UNC5D: variants seen among roughly 807,000 people sequenced by gnomAD.
The protein encoded by UNC5D is unc-5 netrin receptor D.
A neutral mutation model predicts 105.4 loss-of-function variants in UNC5D; 39 were observed. That is an observed-to-expected ratio of 0.37 (90% CI 0.29 to 0.48). The LOEUF (loss-of-function observed/expected upper bound fraction) is 0.48. Ranked by LOEUF, UNC5D falls within the 20% of genes least tolerant of loss-of-function variation. The pLI is 0.98. For missense variants in UNC5D, 991 were observed against 1,202.4 expected (o/e 0.82, Z 2.60); for synonymous variants, 452 against 450.4 (o/e 1.00, Z -0.04).
intron 11 of UNC5D, among the ~76,000 whole-genome samples, chr8:35,743,558 C>T (rs1188087514): frequency 6.6e-6 from 1 of 151,604 alleles, no homozygotes; most frequent in Non-Finnish European, 1.5e-5. Context: ...GGATTACAGA[C>T]ATGAGCCACC....
intron 1 of UNC5D, among the ~76,000 whole-genome samples, chr8:35,311,836 T>C (rs1410720254): frequency 1.3e-5 from 2 of 152,176 alleles, no homozygotes; most frequent in African/African-American, 4.8e-5. Flanking sequence ...AACCTTGTAT[T>C]AGGACCTCCA....
At position 35,665,038 on chromosome 8, in the gene UNC5D, T is replaced by C. The variant is rs919619402; in HGVS notation, c.571-18509T>C. Among the ~76,000 whole-genome samples, 7 of 152,186 alleles carry C rather than the reference T, an allele frequency of 4.6e-5. No homozygotes were observed. The East Asian group carries it at 1.2e-3, about 25-fold the overall frequency. On this transcript the variant is annotated intron_variant, in intron 4 of 16. Coordinates refer to ENST00000404895, the MANE Select transcript of UNC5D (RefSeq NM_080872.4). ...TTATAGAGACAGGGTCTTGTTTTGT[T>C]GCCCCAGCTGGTCTTAAAACTCCAG... is the stretch of plus-strand genomic sequence containing the variant.
At chr8:35,626,285 CG>C (rs1253103023) in intron 4 of UNC5D, among the ~76,000 whole-genome samples, 1 of 151,452 alleles carries the variant, frequency 6.6e-6, no homozygotes, top group Non-Finnish European at 1.5e-5. Context: ...ACGTACTTTA[CG>C]AGTGCTAAAA....
In UNC5D at chr8:35,726,214, G is replaced by A. The variant is rs774777660; in HGVS notation, c.1366G>A (p.Gly456Arg). ...TCTGACAGTGAGCCGGACATACAGC[G>A]GACCCATCTGTCTGCAGGACCCTCT... ...PDLTVSRTYS[G>R]PICLQDPLDK... The change falls in exon 10 of 17, where the codon GGA (glycine) becomes AGA (arginine). Residue 456 changes from glycine (G) to arginine (R), a missense_variant. Gly to Arg is a moderately radical substitution (Grantham distance 125). Around this residue, in one of 3 missense-constraint regions of UNC5D, gnomAD observed 944 missense variants for 1,131.6 expected, o/e 0.83. Transcript: ENST00000404895. 4.2e-5 allele frequency: 68 copies of A among 1,614,080 alleles called. No homozygotes were observed. The highest frequency in any genetic ancestry group is 1.7e-4 in the Middle Eastern group (1 of 6,056).
intron 4 of UNC5D, among the ~76,000 whole-genome samples, chr8:35,608,036 C>G (rs1820427441): frequency 6.6e-6 from 1 of 152,114 alleles, no homozygotes; most frequent in African/African-American, 2.4e-5. Flanking sequence ...TGGCCTCATA[C>G]TTTATATTCT....
At chr8:35,342,525 T>G (rs1811524032) in intron 1 of UNC5D, among the ~76,000 whole-genome samples, 1 of 152,106 alleles carries the variant, frequency 6.6e-6, no homozygotes, top group African/African-American at 2.4e-5. Flanking sequence ...TCTTAGAAGT[T>G]GCTTGTACAT....
At chr8:35,498,068 TCAAAA>T (rs1346022531) in intron 1 of UNC5D, among the ~76,000 whole-genome samples, 371 of 34,188 alleles carry the variant, frequency 0.011, 11 homozygotes, top group Middle Eastern at 0.023. Flanking sequence ...AAACTCCATC[TCAAAA>T]CAAAACAAAA....
intron 6 of UNC5D, among the ~76,000 whole-genome samples, chr8:35,685,627 G>A (rs1825956548): frequency 6.6e-6 from 1 of 152,140 alleles, no homozygotes; most frequent in African/African-American, 2.4e-5. Flanking sequence ...TGCTTACTAT[G>A]TGCCAGGTAC....
chr8:35,607,572 A>G (rs1361958660), intron 4 of UNC5D, among the ~76,000 whole-genome samples: 1 of 152,186 alleles, frequency 6.6e-6, no homozygotes, highest in Admixed American at 6.5e-5. Context: ...CCATGTGTCA[A>G]GGCAGAGACC....
At chr8:35,397,849 T>C (rs1452152044) in intron 1 of UNC5D, among the ~76,000 whole-genome samples, 1 of 152,206 alleles carries the variant, frequency 6.6e-6, no homozygotes, top group Non-Finnish European at 1.5e-5. Flanking sequence ...AAAAATTGGA[T>C]GTTACTCCTT....
At chr8:35,687,021 T>C (rs1440479928) in intron 7 of UNC5D, among the ~76,000 whole-genome samples, 1 of 152,228 alleles carries the variant, frequency 6.6e-6, no homozygotes, top group African/African-American at 2.4e-5. Context: ...TTTTTAATTT[T>C]GGTGAAATTC....
chr8:35,453,628 C>A (rs1212455911), intron 1 of UNC5D, among the ~76,000 whole-genome samples: 11 of 152,170 alleles, frequency 7.2e-5, no homozygotes. Context: ...AGTCCTCTGG[C>A]ATTTTCTCAG....
chr8:35,533,165 C>T (rs1164243291), intron 1 of UNC5D, among the ~76,000 whole-genome samples: 1 of 152,082 alleles, frequency 6.6e-6, no homozygotes, highest in Admixed American at 6.6e-5. Flanking sequence ...GTTTTTTCCC[C>T]ATCTTTGTGG....
chr8:35,330,016 T>C (rs1340085317), intron 1 of UNC5D, among the ~76,000 whole-genome samples: 1 of 152,176 alleles, frequency 6.6e-6, no homozygotes, highest in Admixed American at 6.5e-5. Flanking sequence ...GTAGGTGTGC[T>C]GATTGTTCAC....
chr8:35,451,918 T>TACC lies in UNC5D; in HGVS notation c.104-97374_104-97373insACC, dbSNP rs1390954711. The stretch of plus-strand genomic sequence containing the variant: ...AGGGAGGTAAATTTAAAGTAGATCT[T>TACC]TCTTTTCTGAAGCCCCTAACACTTC... On this transcript the variant is annotated intron_variant, in intron 1 of 16. Transcript: ENST00000404895. 4.6e-5 allele frequency among the ~76,000 whole-genome samples: 7 copies of TACC among 152,322 alleles called. No individual in the cohort carries two copies. The East Asian group carries it at 1.4e-3, about 30-fold the overall frequency.
chr8:35,547,928 G>C (rs1815820679), intron 1 of UNC5D, among the ~76,000 whole-genome samples: 1 of 152,190 alleles, frequency 6.6e-6, no homozygotes, highest in South Asian at 2.1e-4. Flanking sequence ...AAGGAAGCCA[G>C]TTCAAGTCCC....
At chr8:35,386,078 A>G (rs1281460979) in intron 1 of UNC5D, among the ~76,000 whole-genome samples, 1 of 152,190 alleles carries the variant, frequency 6.6e-6, no homozygotes, top group East Asian at 1.9e-4. Flanking sequence ...ACCATACTGC[A>G]TTTGAAACGC....
chr8:35,774,292 T>C lies in UNC5D; in HGVS notation c.2479-7T>C. 6.2e-7 allele frequency: 1 copy of C among 1,613,960 alleles called. No individual in the cohort carries two copies. The highest frequency in any genetic ancestry group is 1.7e-4 in the Middle Eastern group (1 of 6,058). On this transcript the variant is annotated splice_region_variant and splice_polypyrimidine_tract_variant and intron_variant, in intron 15 of 16. Coordinates refer to ENST00000404895, the MANE Select transcript of UNC5D (RefSeq NM_080872.4). ...ATCTGATCATGCGTTCCTTATTTTG[T>C]TTATAGAGTGAACGAGAAACCATCA...
In UNC5D at chr8:35,338,800, T is replaced by G. The variant is rs373414949; in HGVS notation, c.103+102913T>G. Among the ~76,000 whole-genome samples the G allele has an allele frequency of 6.6e-4, 100 of 152,292 alleles. 2 individuals are homozygous for G. The South Asian group carries it at 0.01, about 15-fold the overall frequency. Reference sequence around the variant, plus strand: ...TGTTTTCCATGCACAAGCCCTGATTTGCCTTGTTAAATGCACCCTGACCGA... The same window carrying G: ...TGTTTTCCATGCACAAGCCCTGATTGGCCTTGTTAAATGCACCCTGACCGA... On this transcript the variant is annotated intron_variant, in intron 1 of 16. Transcript: ENST00000404895.
Sources: gnomAD v4.1 joint callset for allele counts (sites outside exome capture counted in the v4.1 genomes callset) on GRCh38, gnomAD v4.1.1 for gene constraint, gnomAD v4.1.1 regional missense constraint, MANE v1.5 for transcripts, NCBI Gene and HGNC (gene_info 2026-07-23, HGNC 2026-07-21) for gene names.